Variants in CIITA observed in about 807,000 individuals in gnomAD.
The protein encoded by CIITA is MHC class II transactivator.
A neutral mutation model predicts 115.1 loss-of-function variants in CIITA; 72 were observed. That is an observed-to-expected ratio of 0.63 (90% CI 0.52 to 0.76). The LOEUF is 0.76. Ranked by LOEUF, CIITA falls within the 30% of genes least tolerant of loss-of-function variation. The pLI, the probability that CIITA is intolerant of heterozygous loss-of-function variation, is 0.00. For synonymous variants in CIITA, 763 were observed against 635.6 expected (o/e 1.20, Z -3.02); for missense variants, 1,617 against 1,463.8 (o/e 1.10, Z -1.71).
upstream of CIITA, among the ~76,000 whole-genome samples, chr16:10,875,816 G>T (rs2035795445): frequency 1.3e-5 from 2 of 151,994 alleles, no homozygotes; most frequent in African/African-American, 4.8e-5. Context: ...GACTATAGTT[G>T]TGCACCATCA....
At chr16:10,899,131 G>T in intron 5 of CIITA, 129 bp downstream of exon 5, 3 of 797,894 alleles carry the variant, frequency 3.8e-6, no homozygotes, top group Non-Finnish European at 6.5e-6. Flanking sequence ...CCCTTTAAAA[G>T]CCAACAGGAG....
intron 13 of CIITA, chr16:10,915,096 G>A (rs766308099): frequency 2.4e-5 from 11 of 453,520 alleles, no homozygotes; most frequent in Non-Finnish European, 4.4e-5. Flanking sequence ...TCTTACCCAG[G>A]CTGGAGTGCA....
rs1396650953 is a variant in CIITA at position 10,923,355 on chromosome 16, C to A, written c.*22+30C>A. On this transcript the variant is annotated intron_variant, in intron 19 of 19. Transcript: ENST00000324288. The surrounding 1 kb of genome is among the most constrained non-coding windows in gnomAD (Gnocchi z 5.2). ...CCAGGGTGGGCTTGGGAGGGGAGAGCCGCAGTGGGTTGGGGGCAGTGTCCT... is the reference window on the plus strand; with the variant it reads ...CCAGGGTGGGCTTGGGAGGGGAGAGACGCAGTGGGTTGGGGGCAGTGTCCT... 9.4e-6 allele frequency: 14 copies of A among 1,494,188 alleles called. No individual in the cohort carries two copies. The Admixed American group carries it at 1.7e-4, about 18-fold the overall frequency. 92.6% of individuals were successfully genotyped at this position (1,494,188 alleles called of 1,614,324 possible).
rs973904837 is a variant in CIITA at position 10,910,364 on chromosome 16, T to A, written c.2888+105T>A. On this transcript the variant is annotated intron_variant, in intron 13 of 19. Coordinates refer to ENST00000324288, the MANE Select transcript of CIITA (RefSeq NM_000246.4). ...GGAGATAGATCTCCAGAATCATTCT[T>A]ACCCTCTTGCCCACCACTTTGGAAA... The A allele has an allele frequency of 8.1e-6, 8 of 991,128 alleles. No individual in the cohort carries two copies. The African/African-American group carries it at 1.3e-4, about 16-fold the overall frequency. 61.4% of individuals were successfully genotyped at this position (991,128 alleles called of 1,614,324 possible).
At chr16:10,877,461 T>C in intron 1 of CIITA, 79 bp downstream of exon 1, 1 of 1,434,540 alleles carries the variant, frequency 7.0e-7, no homozygotes. Flanking sequence ...AGAGAAACCA[T>C]TCTGAATTGG....
chr16:10,908,520 C>T (rs1015909494), intron 11 of CIITA: 2 of 424,892 alleles, frequency 4.7e-6, no homozygotes, highest in Non-Finnish European at 8.8e-6. Flanking sequence ...GGACTCTCTG[C>T]CTCCATTCTC....
chr16:10,871,361 G>A (rs547971104), intron 1 of CIITA, among the ~76,000 whole-genome samples: 2 of 152,300 alleles, frequency 1.3e-5, no homozygotes, highest in Admixed American at 6.5e-5. Flanking sequence ...CATGGAATGC[G>A]AGGCACAAAG....
chr16:10,894,851 C>T (rs2037960432), intron 1 of CIITA, among the ~76,000 whole-genome samples: 1 of 152,222 alleles, frequency 6.6e-6, no homozygotes, highest in African/African-American at 2.4e-5. Context: ...CTCTGAGCCT[C>T]AGTTTTCTCA....
At position 10,923,120 on chromosome 16, in the gene CIITA, C is replaced by A; in HGVS notation, c.3318-108C>A. On this transcript the variant is annotated intron_variant, in intron 18 of 19. Coordinates refer to ENST00000324288, the MANE Select transcript of CIITA (RefSeq NM_000246.4). This position sits in a 1 kb window ranked among gnomAD's most constrained non-coding sequence, Gnocchi z 5.2. ...CGGTATCTTGCCAGGGGAAAAGTCC[C>A]CAACGTTCTAGGCTGGGTGGAAGGA... 1 of 964,048 alleles carries A rather than the reference C, an allele frequency of 1.0e-6. No individual in the cohort carries two copies. The highest frequency in any genetic ancestry group is 1.7e-6 in the Non-Finnish European group (1 of 600,396). The allele number at this position is 964,048 out of a possible 1,614,324, so 59.7% of individuals were successfully genotyped here. A position where few individuals can be genotyped will look rare whatever the true frequency, so the allele number is the denominator to read the frequency against.
rs1264949504 is a variant in CIITA at position 10,927,495 on chromosome 16, A to AT, written c.*3641dup. On this transcript the variant is annotated 3_prime_UTR_variant, in exon 20 of 20. Coordinates refer to ENST00000324288, the MANE Select transcript of CIITA (RefSeq NM_000246.4). Reference sequence around the variant, plus strand: ...GCAAATACATACTGACAGCACAGTCATGAATAAGATGTTCCTGCCCTGGTG... The same window carrying AT: ...GCAAATACATACTGACAGCACAGTCATTGAATAAGATGTTCCTGCCCTGGTG... 6.6e-6 allele frequency: 1 copy of AT among 152,250 alleles called. No individual in the cohort carries two copies. Among genetic ancestry groups the AT allele is most frequent in the African/African-American group, 2.4e-5 (1 of 41,468 alleles). The allele number at this position is 152,250 out of a possible 1,614,324, so 9.4% of individuals were successfully genotyped here.
chr16:10,923,689 C>G lies in CIITA; in HGVS notation c.*23-189C>G, dbSNP rs1421738720. Among the ~76,000 whole-genome samples, 1 of 152,142 alleles carries G rather than the reference C, an allele frequency of 6.6e-6. No homozygotes were observed. Among genetic ancestry groups the G allele is most frequent in the Admixed American group, 6.5e-5 (1 of 15,280 alleles). On this transcript the variant is annotated intron_variant, in intron 19 of 19. Transcript: ENST00000324288. The surrounding 1 kb of genome is among the most constrained non-coding windows in gnomAD (Gnocchi z 5.2). Reference sequence around the variant, plus strand: ...GTTTGTCTCAGATGAACTTGCTTGACAAGTCTCCTGCTCCTCACTATGAAG... The same window carrying G: ...GTTTGTCTCAGATGAACTTGCTTGAGAAGTCTCCTGCTCCTCACTATGAAG...
chr16:10,887,948 C>T (rs961396675), intron 1 of CIITA, among the ~76,000 whole-genome samples: 1 of 152,176 alleles, frequency 6.6e-6, no homozygotes, highest in Non-Finnish European at 1.5e-5. Flanking sequence ...TGGACGTAAT[C>T]TCAGCGCCTG....
upstream of CIITA, among the ~76,000 whole-genome samples, chr16:10,876,650 A>C (rs755473129): frequency 2.0e-5 from 3 of 152,220 alleles, no homozygotes; most frequent in Admixed American, 6.5e-5. Flanking sequence ...CCATCTGACT[A>C]CAAGGGTACC....
At position 10,942,261 on chromosome 16, in the gene CIITA, C is replaced by T. The variant is rs952019882; in HGVS notation, n.1387C>T. 2.9e-6 allele frequency: 1 copy of T among 344,492 alleles called. No individual in the cohort carries two copies. Among genetic ancestry groups the T allele is most frequent in the Non-Finnish European group, 5.3e-6 (1 of 190,026 alleles). 21.3% of individuals were successfully genotyped at this position (344,492 alleles called of 1,614,324 possible). A position where few individuals can be genotyped will look rare whatever the true frequency, so the allele number is the denominator to read the frequency against. On this transcript the variant is annotated non_coding_transcript_exon_variant, in exon 2 of 2. Coordinates refer to the CIITA transcript ENST00000573379. This position sits in a 1 kb window ranked among gnomAD's most constrained non-coding sequence, Gnocchi z 5.0. ...GCGAGGCGGGCCCCCCTGAAGTGGC[C>T]CGCGGCTGCCCGGCTCCCTCGTGGC...
chr16:10,919,575 G>A (rs2040162995), intron 16 of CIITA, among the ~76,000 whole-genome samples: 1 of 152,006 alleles, frequency 6.6e-6, no homozygotes, highest in African/African-American at 2.4e-5. Context: ...GGGGTGCAAT[G>A]ATGGCTCACT....
intron 14 of CIITA, among the ~76,000 whole-genome samples, chr16:10,915,886 C>G (rs1393399401): frequency 6.6e-6 from 1 of 152,182 alleles, no homozygotes; most frequent in Admixed American, 6.5e-5. Context: ...CTTTTTTTCT[C>G]TCTTCCGCCT....
chr16:10,898,287 A>G (rs2038344850), intron 3 of CIITA, among the ~76,000 whole-genome samples: 3 of 152,096 alleles, frequency 2.0e-5, no homozygotes. Context: ...GGTAGTAGGC[A>G]TTATTTATTC....
Position 10,907,934 on chromosome 16 carries a change from C to T in CIITA, c.2442C>T (p.His814=), listed in dbSNP as rs746490057. ...RQLLELLHCA[H]EAEEAGIWQH... ...TGCTGGAGCTGCTGCACTGCGCCCA[C>T]GAGGCCGAGGAGGCTGGAATTTGGC... is the stretch of plus-strand genomic sequence containing the variant. The change falls in exon 11 of 20, where the codon CAC becomes CAT. Residue 814 remains histidine (H), a synonymous_variant. Coordinates refer to ENST00000324288, the MANE Select transcript of CIITA (RefSeq NM_000246.4). The surrounding 1 kb of genome is among the most constrained non-coding windows in gnomAD (Gnocchi z 5.0). 1.6e-5 allele frequency: 25 copies of T among 1,563,024 alleles called. No individual in the cohort carries two copies. Among genetic ancestry groups the T allele is most frequent in the East Asian group, 1.6e-4 (7 of 44,432 alleles).
chr16:10,888,922 C>G (rs935553109), intron 1 of CIITA, among the ~76,000 whole-genome samples: 2 of 152,202 alleles, frequency 1.3e-5, no homozygotes, highest in Non-Finnish European at 2.9e-5. Context: ...TCCCTCTGAG[C>G]CTGTCTCTTC....
Sources: gnomAD v4.1 joint callset for allele counts (sites outside exome capture counted in the v4.1 genomes callset) on GRCh38, gnomAD v4.1.1 for gene constraint, Gnocchi (gnomAD v3.1) non-coding constraint, MANE v1.5 for transcripts, NCBI Gene and HGNC (gene_info 2026-07-23, HGNC 2026-07-21) for gene names.